The following LIMCH1 variants were observed in gnomAD, a reference collection of about 807,000 sequenced individuals.
The protein encoded by LIMCH1 is LIM and calponin homology domains 1, also known as LIM and calponin homology domains-containing protein 1.
LIMCH1 carries 113 observed loss-of-function variants against 176.5 expected under a neutral mutation model. That is an observed-to-expected ratio of 0.64 (90% CI 0.55 to 0.75). The LOEUF is 0.75. Among genes scored for constraint, LIMCH1 ranks in the 30% least tolerant of loss-of-function variants. The pLI, the probability that LIMCH1 is intolerant of heterozygous loss-of-function variation, is 0.00. For missense variants in LIMCH1, 1,674 were observed against 1,814.9 expected (o/e 0.92, Z 1.41); for synonymous variants, 619 against 645.9 (o/e 0.96, Z 0.63).
intron 1 of LIMCH1, among the ~76,000 whole-genome samples, chr4:41,458,112 C>T (rs115371681): frequency 0.013 from 2,036 of 152,186 alleles, 44 homozygotes; most frequent in African/African-American, 0.046. Context: ...TATTATGCAT[C>T]GTATGCTTGT....
At chr4:41,440,640 C>T (rs1450879273) in intron 1 of LIMCH1, among the ~76,000 whole-genome samples, 3 of 152,170 alleles carry the variant, frequency 2.0e-5, no homozygotes, top group Non-Finnish European at 4.4e-5. Context: ...TTAAGTGATT[C>T]TCCTGCCTCA....
In LIMCH1 at chr4:41,637,069, A is replaced by G. The variant is rs576735650; in HGVS notation, c.2091-1863A>G. Among the ~76,000 whole-genome samples the G allele has an allele frequency of 1.2e-4, 18 of 152,376 alleles. No homozygotes were observed. In the South Asian group the frequency reaches 3.5e-3, roughly 30 times the overall value. Reference sequence around the variant, plus strand: ...GGGAAGAAATTCTCTGCTCTCTTCCATAGATAACTTAGAAAACACTGTGTT... The same window carrying G: ...GGGAAGAAATTCTCTGCTCTCTTCCGTAGATAACTTAGAAAACACTGTGTT... On this transcript the variant is annotated intron_variant, in intron 13 of 31. Transcript: ENST00000503057.
chr4:41,524,336 C>A, intron 2 of LIMCH1: 2 of 1,114,082 alleles, frequency 1.8e-6, no homozygotes, highest in Non-Finnish European at 2.8e-6. Context: ...TTAGCTGTAG[C>A]CCCGGATAAA....
In LIMCH1 at chr4:41,698,381, A is replaced by G. The variant is rs922036588; in HGVS notation, c.*1196A>G. The G allele has an allele frequency of 2.6e-5, 4 of 152,186 alleles. No individual in the cohort carries two copies. Among genetic ancestry groups the G allele is most frequent in the Non-Finnish European group, 5.9e-5 (4 of 68,058 alleles). 9.4% of individuals were successfully genotyped at this position (152,186 alleles called of 1,614,324 possible). On this transcript the variant is annotated 3_prime_UTR_variant, in exon 32 of 32. Transcript: ENST00000503057. ...GGACCTTGCCCATGGAGAAGTTTAG[A>G]GAGGAACTCTTGTGGAGAGCTGGTT... is the stretch of plus-strand genomic sequence containing the variant.
chr4:41,582,280 T>A (rs550470922), intron 1 of LIMCH1, among the ~76,000 whole-genome samples: 32 of 152,288 alleles, frequency 2.1e-4, no homozygotes, highest in African/African-American at 7.0e-4. Flanking sequence ...GTGGATCAGG[T>A]GGTGCCAAGG....
At chr4:41,663,259 T>G (rs1424552123) in intron 20 of LIMCH1, among the ~76,000 whole-genome samples, 1 of 151,954 alleles carries the variant, frequency 6.6e-6, no homozygotes, top group African/African-American at 2.4e-5. Flanking sequence ...GTTCAAGTGA[T>G]TCTCCTGCCT....
At chr4:41,673,544 A>G (rs910761444) in intron 22 of LIMCH1, among the ~76,000 whole-genome samples, 1 of 152,212 alleles carries the variant, frequency 6.6e-6, no homozygotes, top group Non-Finnish European at 1.5e-5. Context: ...GTAGCGCTTC[A>G]AGAGGAGATA....
intron 1 of LIMCH1, among the ~76,000 whole-genome samples, chr4:41,588,936 A>G (rs756033327): frequency 6.6e-6 from 1 of 152,200 alleles, no homozygotes; most frequent in Non-Finnish European, 1.5e-5. Flanking sequence ...TCCTTCTTCC[A>G]GTGGAGGCAA....
intron 18 of LIMCH1, among the ~76,000 whole-genome samples, chr4:41,654,518 C>G (rs559508487): frequency 1.3e-5 from 2 of 152,132 alleles, no homozygotes; most frequent in African/African-American, 2.4e-5. Context: ...CAGAATGTAA[C>G]CTTGTAAGTC....
rs141874934 is a variant in LIMCH1, at chr4:41,626,030, A to G, written c.726-678A>G. 3.6e-3 allele frequency among the ~76,000 whole-genome samples: 541 copies of G among 152,222 alleles called. 6 individuals are homozygous for G. Among genetic ancestry groups the G allele is most frequent in the Non-Finnish European group, 1.3e-3 (86 of 68,024 alleles). On this transcript the variant is annotated intron_variant, in intron 7 of 31. Coordinates refer to ENST00000503057, the MANE Select transcript of LIMCH1 (RefSeq NM_001330672.2). ...AGACCCTGTCTCTTAAAAAAAAGAA[A>G]AAGAAGAGAGGTGGAGAGACAGGAG...
At chr4:41,455,556 A>G (rs1179540835) in intron 1 of LIMCH1, among the ~76,000 whole-genome samples, 1 of 152,176 alleles carries the variant, frequency 6.6e-6, no homozygotes, top group Non-Finnish European at 1.5e-5. Context: ...AGCTATTTCC[A>G]GGTGGTTGGC....
At position 41,582,831 on chromosome 4, in the gene LIMCH1, A is replaced by G. The variant is rs139291481; in HGVS notation, c.-240-16089A>G. On this transcript the variant is annotated intron_variant, in intron 1 of 31. Coordinates refer to ENST00000503057, the MANE Select transcript of LIMCH1 (RefSeq NM_001330672.2). Reference sequence around the variant, plus strand: ...TATCATCATCTTCAGCAGTATTTTTATAAGTTGGAGGGAAAGACTATGTAT... The same window carrying G: ...TATCATCATCTTCAGCAGTATTTTTGTAAGTTGGAGGGAAAGACTATGTAT... Among the ~76,000 whole-genome samples the G allele has an allele frequency of 9.8e-5, 15 of 152,326 alleles. No individual in the cohort carries two copies. In the East Asian group the frequency reaches 2.9e-3, roughly 29 times the overall value.
At chr4:41,554,486 C>G (rs1454062725) in intron 1 of LIMCH1, among the ~76,000 whole-genome samples, 2 of 152,244 alleles carry the variant, frequency 1.3e-5, no homozygotes, top group African/African-American at 4.8e-5. Context: ...TGCACTCAGA[C>G]CTGTACAACC....
chr4:41,668,801 C>G (rs1381251747), intron 21 of LIMCH1, among the ~76,000 whole-genome samples: 1 of 152,176 alleles, frequency 6.6e-6, no homozygotes, highest in Admixed American at 6.5e-5. Context: ...GAAGAGGCCT[C>G]ACAGTCATGG....
In LIMCH1 at chr4:41,467,953, A is replaced by G. The variant is rs370427011; in HGVS notation, c.97-26583A>G. ...AGCGTCACATATCAGAATTCAAAAG[A>G]CGGTGCTTGCCTGATGCTTGTCAAC... is the stretch of plus-strand genomic sequence containing the variant. On this transcript the variant is annotated intron_variant, in intron 1 of 26. Coordinates refer to the LIMCH1 transcript ENST00000313860. Among the ~76,000 whole-genome samples, 6 of 152,278 alleles carry G rather than the reference A, an allele frequency of 3.9e-5. No individual in the cohort carries two copies. In the South Asian group the frequency reaches 1.2e-3, roughly 32 times the overall value.
intron 1 of LIMCH1, among the ~76,000 whole-genome samples, chr4:41,363,855 G>T (rs2052543588): frequency 6.6e-6 from 1 of 152,212 alleles, no homozygotes; most frequent in African/African-American, 2.4e-5. Flanking sequence ...AACTGTGTTT[G>T]GGAAGACTCC....
chr4:41,366,900 AG>A lies in LIMCH1; in HGVS notation c.96+5966del, dbSNP rs201092620. ...CTGAGACTGGGTAATTTATAAAGAA[AG>A]GAGGTTTAACTGACTTACAGTTCCA... On this transcript the variant is annotated intron_variant, in intron 1 of 26. Coordinates refer to the LIMCH1 transcript ENST00000313860. Among the ~76,000 whole-genome samples, 1,196 of 150,756 alleles carry A rather than the reference AG, an allele frequency of 7.9e-3. 16 individuals carry two copies. The highest frequency in any genetic ancestry group is 0.028 in the African/African-American group (1,114 of 40,302).
At chr4:41,546,856 C>T (rs1471755240) in intron 1 of LIMCH1, among the ~76,000 whole-genome samples, 1 of 151,816 alleles carries the variant, frequency 6.6e-6, no homozygotes, top group Non-Finnish European at 1.5e-5. Flanking sequence ...GAGAGAGAGA[C>T]AAGCGAGAGA....
At chr4:41,460,870 G>A (rs1289635746) in intron 1 of LIMCH1, among the ~76,000 whole-genome samples, 3 of 152,162 alleles carry the variant, frequency 2.0e-5, no homozygotes, top group African/African-American at 7.2e-5. Flanking sequence ...TGAGCTTCCT[G>A]CTGTCCTCAG....
Sources: allele counts gnomAD v4.1 joint callset (sites outside exome capture counted in the v4.1 genomes callset), GRCh38; gene constraint gnomAD v4.1.1; transcripts MANE v1.5; gene names NCBI Gene and HGNC (gene_info 2026-07-23, HGNC 2026-07-21).